The following FMO1 variants were observed in gnomAD, a reference collection of about 807,000 sequenced individuals.
The protein encoded by FMO1 is flavin containing dimethylaniline monoxygenase 1.
Under a neutral mutation model 45.4 loss-of-function variants are expected in FMO1, and 36 were observed. The observed-to-expected ratio is 0.79, with a 90% CI of 0.61 to 1.05. The LOEUF is 1.05. FMO1 is among the 50% of genes least tolerant of loss of function. FMO1 has a pLI of 0.00. For missense variants in FMO1, 615 were observed against 640.3 expected, an observed-to-expected ratio of 0.96 and a Z score of 0.43; for synonymous variants, 228 against 227.2, an observed-to-expected ratio of 1.00 and a Z score of -0.03.
At chr1:171,258,059 C>T (rs1259512932) in intron 1 of FMO1, 23 bp from the exon 2 acceptor site, 1 of 1,613,598 alleles carries the variant, frequency 6.2e-7, no homozygotes, top group Admixed American at 1.7e-5. Flanking sequence ...GAATAAAAAG[C>T]CTGCTTCATC....
At position 171,282,062 on chromosome 1, in the gene FMO1, A is replaced by G; in HGVS notation, c.912A>G (p.Lys304=). 6.2e-7 allele frequency: 1 copy of G among 1,613,894 alleles called. No individual in the cohort carries two copies. The change falls in exon 7 of 9, where the codon AAA becomes AAG. Residue 304 remains lysine, a synonymous_variant. Transcript: ENST00000617670. ...AAGTGTTCATCAGGCCAAGCATAAAAGAGGTAAAGGAAAACTCTGTCATAT... is the reference window on the plus strand; with the variant it reads ...AAGTGTTCATCAGGCCAAGCATAAAGGAGGTAAAGGAAAACTCTGTCATAT... ...TGKVFIRPSI[K]EVKENSVIFN...
intron 3 of FMO1, 57 bp downstream of exon 3, chr1:171,267,788 A>G: frequency 4.4e-6 from 6 of 1,365,472 alleles, no homozygotes; most frequent in South Asian, 3.9e-5. Context: ...ATTTTCTCTT[A>G]TCTCTCCAGC....
chr1:171,265,797 G>A (rs1371242989), intron 2 of FMO1, among the ~76,000 whole-genome samples: 1 of 152,160 alleles, frequency 6.6e-6, no homozygotes, highest in African/African-American at 2.4e-5. Context: ...GGTTTGAATG[G>A]ATGGCAATGC....
intron 4 of FMO1, among the ~76,000 whole-genome samples, chr1:171,277,510 C>G (rs1029136833): frequency 3.4e-4 from 52 of 152,098 alleles, no homozygotes; most frequent in Admixed American, 1.7e-3. Context: ...TAAGTTCTTA[C>G]TCTGTCTTTC....
rs555676817 is a variant in FMO1 at position 171,258,324 on chromosome 1, T to C, written c.132+105T>C. The C allele has an allele frequency of 9.5e-6, 13 of 1,369,036 alleles. No individual in the cohort carries two copies. The African/African-American group carries it at 1.3e-4, about 14-fold the overall frequency. The allele number at this position is 1,369,036 out of a possible 1,614,324, so 84.8% of individuals were successfully genotyped here. On this transcript the variant is annotated intron_variant, in intron 2 of 8. Coordinates refer to ENST00000617670, the MANE Select transcript of FMO1 (RefSeq NM_001282693.2). ...CAAGGGTTGGTGGCCTTGAGGAAGG[T>C]TAGAAATGTCTGCTGAACAGGGGAC...
intron 1 of FMO1, among the ~76,000 whole-genome samples, chr1:171,254,880 T>A (rs28384839): frequency 5.4e-4 from 83 of 152,340 alleles, no homozygotes; most frequent in East Asian, 1.7e-3. Context: ...TTATTGCAAT[T>A]TGTACATAAG....
chr1:171,277,442 A>T (rs961172900), intron 4 of FMO1, among the ~76,000 whole-genome samples: 1 of 151,956 alleles, frequency 6.6e-6, no homozygotes, highest in Non-Finnish European at 1.5e-5. Context: ...TATATTATAA[A>T]TTTTTTTCTT....
At chr1:171,250,870 A>G (rs1460731996) in intron 1 of FMO1, among the ~76,000 whole-genome samples, 2 of 152,250 alleles carry the variant, frequency 1.3e-5, no homozygotes, top group South Asian at 2.1e-4. Flanking sequence ...AAAACTTCCA[A>G]CAACGGAATG....
intron 5 of FMO1, among the ~76,000 whole-genome samples, chr1:171,279,788 A>G (rs1661280281): frequency 6.6e-6 from 1 of 152,170 alleles, no homozygotes. Context: ...TCTGCATCAG[A>G]GAGTTTTCTA....
At chr1:171,254,162 C>T (rs1660040352) in intron 1 of FMO1, 1 of 152,080 alleles carries the variant, frequency 6.6e-6, no homozygotes, top group African/African-American at 2.4e-5. Context: ...GATCTTGGCT[C>T]ACTGCAACCT....
chr1:171,273,624 C>T (rs1256792494), intron 3 of FMO1, among the ~76,000 whole-genome samples: 3 of 152,180 alleles, frequency 2.0e-5, no homozygotes, highest in Admixed American at 2.0e-4. Flanking sequence ...CCTCCCACTT[C>T]AGCCTCCCCA....
At chr1:171,251,998 C>T (rs1375648267) in intron 1 of FMO1, among the ~76,000 whole-genome samples, 1 of 152,076 alleles carries the variant, frequency 6.6e-6, no homozygotes, top group Non-Finnish European at 1.5e-5. Flanking sequence ...ACAGCGGTGG[C>T]ATGTCAGTGT....
At chr1:171,283,092 C>G (rs376198073) in intron 7 of FMO1, 52 bp from the exon 8 acceptor site, 1 of 934,122 alleles carries the variant, frequency 1.1e-6, no homozygotes. Context: ...CATAAGTCAA[C>G]AGCTAGACCT....
At chr1:171,264,483 G>T (rs1244163866) in intron 2 of FMO1, among the ~76,000 whole-genome samples, 2 of 151,774 alleles carry the variant, frequency 1.3e-5, no homozygotes, top group African/African-American at 4.8e-5. Flanking sequence ...GGGGCCACTG[G>T]TAAATTCAAA....
chr1:171,256,278 A>G (rs1660151948), intron 1 of FMO1, among the ~76,000 whole-genome samples: 2 of 151,350 alleles, frequency 1.3e-5, no homozygotes, highest in Admixed American at 1.3e-4. Flanking sequence ...ATCTCAAAAA[A>G]AAAAAAAAAA....
chr1:171,284,636 C>A (rs1244444756), intron 8 of FMO1, among the ~76,000 whole-genome samples: 1 of 151,066 alleles, frequency 6.6e-6, no homozygotes, highest in African/African-American at 2.4e-5. Flanking sequence ...TATTCCTAAG[C>A]CAGGAGGATC....
intron 7 of FMO1, 165 bp downstream of exon 7, chr1:171,282,498 T>C: frequency 1.8e-6 from 1 of 551,048 alleles, no homozygotes; most frequent in Admixed American, 3.3e-5. Flanking sequence ...TAATGATTTG[T>C]TCCATTACTG....
Position 171,285,520 on chromosome 1 carries a change from G to C in FMO1, c.1575G>C (p.Val525=). 1 of 1,506,852 alleles carries C rather than the reference G, an allele frequency of 6.6e-7. No homozygotes were observed. The highest frequency in any genetic ancestry group is 8.9e-7 in the Non-Finnish European group (1 of 1,129,028). 93.3% of individuals were successfully genotyped at this position (1,506,852 alleles called of 1,614,324 possible). A position where few individuals can be genotyped will look rare whatever the true frequency, so the allele number is the denominator to read the frequency against. ...TCTTTAGCTTTCTGGCTTTGCTTGT[G>C]GCTATTTTTCTGATTTTCCTATAAG... is the stretch of plus-strand genomic sequence containing the variant. The part of the protein sequence containing the change: ...LKVFSFLALL[V]AIFLIFL The change falls in exon 9 of 9, where the codon GTG becomes GTC. Residue 525 remains valine, a synonymous_variant. Coordinates refer to ENST00000617670, the MANE Select transcript of FMO1 (RefSeq NM_001282693.2).
At chr1:171,283,011 T>G in intron 7 of FMO1, 133 bp from the exon 8 acceptor site, 2 of 630,260 alleles carry the variant, frequency 3.2e-6, no homozygotes, top group Non-Finnish European at 5.7e-6. Flanking sequence ...GCTGCTAACA[T>G]TTTTGCCAGA....
Sources: allele counts gnomAD v4.1 joint callset (sites outside exome capture counted in the v4.1 genomes callset), GRCh38; gene constraint gnomAD v4.1.1; transcripts MANE v1.5; gene names NCBI Gene and HGNC (gene_info 2026-07-23, HGNC 2026-07-21).